The following MAPRE2 variants were observed in gnomAD, a reference collection of about 807,000 sequenced individuals.
MAPRE2 encodes the protein microtubule associated protein RP/EB family member 2, also known as microtubule-associated protein RP/EB family member 2.
Under a neutral mutation model 43.2 loss-of-function variants are expected in MAPRE2, and 13 were observed. That is an observed-to-expected ratio of 0.30 (90% CI 0.20 to 0.48). The LOEUF (loss-of-function observed/expected upper bound fraction) is 0.48. MAPRE2 is among the 20% of genes least tolerant of loss of function. The pLI, the probability that MAPRE2 is intolerant of heterozygous loss-of-function variation, is 0.99. For synonymous variants in MAPRE2, 135 were observed against 148.8 expected (o/e 0.91, Z 0.68); for missense variants, 161 against 400.2 (o/e 0.40, Z 5.10).
rs951402013 is a variant in MAPRE2, at chr18:35,142,369, A to G, written c.*2000A>G. On this transcript the variant is annotated 3_prime_UTR_variant, in exon 7 of 7. Coordinates refer to ENST00000300249, the MANE Select transcript of MAPRE2 (RefSeq NM_014268.4). ...CTCAGTCATACCCAATGCTCAGTGG[A>G]TCATGACCAAACTCCTGTCATGTGG... is the stretch of plus-strand genomic sequence containing the variant. 6.6e-6 allele frequency: 1 copy of G among 152,260 alleles called. No homozygotes were observed. The highest frequency in any genetic ancestry group is 1.5e-5 in the Non-Finnish European group (1 of 68,068). 9.4% of individuals were successfully genotyped at this position (152,260 alleles called of 1,614,324 possible). A position where few individuals can be genotyped will look rare whatever the true frequency, so the allele number is the denominator to read the frequency against.
rs75825859 is a variant in MAPRE2, at chr18:35,087,503, A to AT, written c.251-9939dup. The stretch of plus-strand genomic sequence containing the variant: ...TCTTATATTTGAGTGGCTTTAAAAA[A>AT]TTTTATTTATACCTCGTCAATTCTT... On this transcript the variant is annotated intron_variant, in intron 2 of 6. Coordinates refer to ENST00000300249, the MANE Select transcript of MAPRE2 (RefSeq NM_014268.4). Among the ~76,000 whole-genome samples the AT allele has an allele frequency of 7.2e-4, 110 of 152,292 alleles. 2 individuals are homozygous for AT. The East Asian group carries it at 0.02, about 27-fold the overall frequency.
chr18:35,052,563 C>T (rs992473631), intron 1 of MAPRE2, among the ~76,000 whole-genome samples: 2 of 152,136 alleles, frequency 1.3e-5, no homozygotes, highest in Admixed American at 1.3e-4. Context: ...TTTCATTTCT[C>T]TGGGGAAAAT....
chr18:35,054,755 A>G (rs1447875654), intron 1 of MAPRE2, among the ~76,000 whole-genome samples: 1 of 152,162 alleles, frequency 6.6e-6, no homozygotes, highest in African/African-American at 2.4e-5. Context: ...AAGGGAGCCT[A>G]GATGATGATG....
At chr18:35,011,388 A>G (rs1026453458) in intron 2 of MAPRE2, among the ~76,000 whole-genome samples, 2 of 152,240 alleles carry the variant, frequency 1.3e-5, no homozygotes, top group African/African-American at 4.8e-5. Flanking sequence ...AAATAAGAGA[A>G]GCATTTGGCA....
chr18:35,085,121 A>AATAATGCTTTG (rs1907811266), intron 2 of MAPRE2, among the ~76,000 whole-genome samples: 1 of 152,216 alleles, frequency 6.6e-6, no homozygotes, highest in African/African-American at 2.4e-5. Flanking sequence ...TAATATTTCA[A>AATAATGCTTTG]AGCATTATTT....
intron 1 of MAPRE2, among the ~76,000 whole-genome samples, chr18:34,984,023 C>T (rs923760530): frequency 9.9e-5 from 15 of 152,262 alleles, no homozygotes; most frequent in East Asian, 9.6e-4. Context: ...AGGATATACA[C>T]GGTTACTAAC....
chr18:35,068,021 A>G (rs929741550), intron 1 of MAPRE2, among the ~76,000 whole-genome samples: 3 of 152,180 alleles, frequency 2.0e-5, no homozygotes, highest in African/African-American at 4.8e-5. Context: ...CGAGAAGACA[A>G]TTTAGAGATA....
At chr18:35,138,119 T>A (rs1325782441) in intron 6 of MAPRE2, among the ~76,000 whole-genome samples, 1 of 152,168 alleles carries the variant, frequency 6.6e-6, no homozygotes, top group Non-Finnish European at 1.5e-5. Flanking sequence ...CAGCCTCACA[T>A]GTGCCAGACA....
At chr18:35,117,769 T>TA (rs1193955817) in intron 4 of MAPRE2, among the ~76,000 whole-genome samples, 2 of 152,172 alleles carry the variant, frequency 1.3e-5, no homozygotes, top group African/African-American at 4.8e-5. Context: ...TAAATGAAGA[T>TA]AGTGATTGGA....
chr18:35,063,248 C>T (rs1231184689), intron 1 of MAPRE2, among the ~76,000 whole-genome samples: 5 of 152,008 alleles, frequency 3.3e-5, no homozygotes, highest in African/African-American at 9.7e-5. Flanking sequence ...GGACTACAGG[C>T]GCACACCACC....
intron 5 of MAPRE2, among the ~76,000 whole-genome samples, chr18:35,129,559 TAAAG>T (rs753747383): frequency 1.8e-4 from 28 of 152,302 alleles, no homozygotes; most frequent in African/African-American, 3.6e-4. Context: ...GGAAAAGTCA[TAAAG>T]AAAGTAATTA....
rs185044313 is a variant in MAPRE2, at chr18:35,017,676, A to G, written c.-8+12123A>G. On this transcript the variant is annotated intron_variant, in intron 2 of 7. Transcript: ENST00000413393. Reference sequence around the variant, plus strand: ...TTACTTATTTTTGTACATTAATTTTATATTCTGAAACTTTATTGAAGTTGT... The same window carrying G: ...TTACTTATTTTTGTACATTAATTTTGTATTCTGAAACTTTATTGAAGTTGT... Among the ~76,000 whole-genome samples the G allele has an allele frequency of 6.6e-5, 10 of 151,692 alleles. No homozygotes were observed. In the East Asian group the frequency reaches 1.7e-3, roughly 26 times the overall value.
At chr18:35,006,087 A>G (rs1182667273) in intron 2 of MAPRE2, among the ~76,000 whole-genome samples, 1 of 152,164 alleles carries the variant, frequency 6.6e-6, no homozygotes, top group African/African-American at 2.4e-5. Context: ...ATTTCGAACT[A>G]TTACTCTAAG....
rs2097014658 is a variant in MAPRE2, at chr18:34,978,979, A to T, written c.-70+1900A>T. Among the ~76,000 whole-genome samples the T allele has an allele frequency of 2.6e-5, 4 of 152,316 alleles. No individual in the cohort carries two copies. The South Asian group carries it at 8.3e-4, about 32-fold the overall frequency. ...CTCCTGGTAACTTCATTGTGCAGCCAAGTTGGGGAAACTCTACAGCAAAGG... is the reference window on the plus strand; with the variant it reads ...CTCCTGGTAACTTCATTGTGCAGCCTAGTTGGGGAAACTCTACAGCAAAGG... On this transcript the variant is annotated intron_variant, in intron 1 of 7. Transcript: ENST00000413393.
intron 1 of MAPRE2, among the ~76,000 whole-genome samples, chr18:35,054,412 C>T (rs958020614): frequency 3.3e-5 from 5 of 152,182 alleles, no homozygotes; most frequent in African/African-American, 7.2e-5. Context: ...TACTAGATTT[C>T]GTGGGTGCCA....
At chr18:34,993,992 C>CTTTTTT (rs11301716) in intron 1 of MAPRE2, among the ~76,000 whole-genome samples, 2 of 120,024 alleles carry the variant, frequency 1.7e-5, no homozygotes, top group African/African-American at 3.0e-5. Flanking sequence ...CATGGATTTT[C>CTTTTTT]TTTTTTTTTT....
At chr18:34,991,358 C>G (rs2097023663) in intron 1 of MAPRE2, among the ~76,000 whole-genome samples, 1 of 152,130 alleles carries the variant, frequency 6.6e-6, no homozygotes, top group Admixed American at 6.6e-5. Flanking sequence ...TTTTGAGTAA[C>G]AGGAGAGACC....
At chr18:35,043,396 G>T (rs1324568280) in intron 1 of MAPRE2, among the ~76,000 whole-genome samples, 1 of 152,188 alleles carries the variant, frequency 6.6e-6, no homozygotes, top group Non-Finnish European at 1.5e-5. Flanking sequence ...AAAGGAAGTT[G>T]CCTGGTTGGG....
chr18:35,068,764 A>G (rs1007789434), intron 1 of MAPRE2, among the ~76,000 whole-genome samples: 2 of 152,218 alleles, frequency 1.3e-5, no homozygotes, highest in African/African-American at 2.4e-5. Flanking sequence ...ATCTAGGCAA[A>G]TATCAGAGCT....
Sources: allele counts gnomAD v4.1 joint callset (sites outside exome capture counted in the v4.1 genomes callset), GRCh38; gene constraint gnomAD v4.1.1; transcripts MANE v1.5; gene names NCBI Gene and HGNC (gene_info 2026-07-23, HGNC 2026-07-21).